The following MTF2 variants were observed in gnomAD, a reference collection of about 807,000 sequenced individuals.
MTF2 encodes metal-response element-binding transcription factor 2.
Under a neutral mutation model 79.5 loss-of-function variants are expected in MTF2, and 11 were observed. That is an observed-to-expected ratio of 0.14 (90% CI 0.09 to 0.23). The LOEUF (loss-of-function observed/expected upper bound fraction) is 0.23. Among genes scored for constraint, MTF2 ranks in the 10% least tolerant of loss-of-function variants. MTF2 has a pLI of 1.00. For missense variants in MTF2, 486 were observed against 711.2 expected (o/e 0.68, Z 3.60); for synonymous variants, 208 against 232.8 (o/e 0.89, Z 0.97).
rs71586778 is a variant in MTF2 at position 93,101,568 on chromosome 1, GTTTTTTTTTTTTTT to G, written c.6-8646_6-8633del. Among the ~76,000 whole-genome samples the G allele has an allele frequency of 9.4e-4, 24 of 25,400 alleles. 2 individuals are homozygous for G. In the South Asian group the frequency reaches 0.022, roughly 23 times the overall value. 16.7% of individuals were successfully genotyped at this position (25,400 alleles called of 152,430 possible). On this transcript the variant is annotated intron_variant, in intron 1 of 14. Transcript: ENST00000370298. ...TGGTCTTGCCATGTTGCTCAGGCTG[GTTTTTTTTTTTTTT>G]TTTTTTTTTTTTTTTGAGACAGGGT...
At chr1:93,105,466 A>T (rs573016978) in intron 1 of MTF2, among the ~76,000 whole-genome samples, 65 of 152,196 alleles carry the variant, frequency 4.3e-4, no homozygotes, top group Non-Finnish European at 9.0e-4. Flanking sequence ...GTATCCTATA[A>T]TAAACTTCAT....
chr1:93,128,443 G>A (rs1656786495), intron 10 of MTF2, among the ~76,000 whole-genome samples: 1 of 151,516 alleles, frequency 6.6e-6, no homozygotes, highest in Non-Finnish European at 1.5e-5. Context: ...TGTATTCCCA[G>A]CTACTTAGGA....
chr1:93,129,584 A>G, intron 11 of MTF2, 136 bp downstream of exon 11: 2 of 603,776 alleles, frequency 3.3e-6, no homozygotes, highest in Admixed American at 4.3e-5. Flanking sequence ...TTTTTGGTCT[A>G]TCATATCTTG....
At chr1:93,134,791 T>C (rs1467515049) in intron 14 of MTF2, among the ~76,000 whole-genome samples, 1 of 149,986 alleles carries the variant, frequency 6.7e-6, no homozygotes, top group Non-Finnish European at 1.5e-5. Context: ...TCTCAAGTGC[T>C]GGGATTACAC....
intron 1 of MTF2, among the ~76,000 whole-genome samples, chr1:93,100,464 C>T (rs184196644): frequency 7.4e-4 from 113 of 152,240 alleles, no homozygotes; most frequent in Non-Finnish European, 1.5e-4. Context: ...GCCACCATGC[C>T]TGGCTAATTT....
At chr1:93,131,595 G>T (rs1656918776) in intron 11 of MTF2, among the ~76,000 whole-genome samples, 1 of 152,128 alleles carries the variant, frequency 6.6e-6, no homozygotes, top group South Asian at 2.1e-4. Flanking sequence ...AATGGAAAGG[G>T]TATATGTCAT....
At chr1:93,111,490 T>C (rs546115288) in intron 3 of MTF2, among the ~76,000 whole-genome samples, 74 of 152,310 alleles carry the variant, frequency 4.9e-4, no homozygotes, top group African/African-American at 1.7e-3. Context: ...GGTAGGTTTC[T>C]GCCATGTTTT....
At chr1:93,083,516 C>T (rs1654703012) in intron 1 of MTF2, among the ~76,000 whole-genome samples, 2 of 152,202 alleles carry the variant, frequency 1.3e-5, no homozygotes, top group South Asian at 2.1e-4. Context: ...GTAAGTAATG[C>T]TGCAGTGATC....
intron 9 of MTF2, among the ~76,000 whole-genome samples, chr1:93,124,245 T>G (rs548878568): frequency 9.5e-4 from 145 of 152,206 alleles, no homozygotes; most frequent in African/African-American, 3.2e-3. Flanking sequence ...CTACTATGTT[T>G]TGGATTATTT....
intron 1 of MTF2, among the ~76,000 whole-genome samples, chr1:93,101,976 G>A (rs1489551652): frequency 4.6e-5 from 7 of 152,050 alleles, no homozygotes; most frequent in Non-Finnish European, 7.4e-5. Context: ...CTATATGCCC[G>A]TTGTATAACA....
chr1:93,128,217 C>T (rs11805267), intron 10 of MTF2, among the ~76,000 whole-genome samples: 13,653 of 152,004 alleles, frequency 0.09, 2,006 homozygotes, highest in African/African-American at 0.31. Flanking sequence ...ATATCTGTTC[C>T]TGTTATGGTA....
At chr1:93,126,113 G>C (rs1192159998) in intron 9 of MTF2, among the ~76,000 whole-genome samples, 1 of 151,454 alleles carries the variant, frequency 6.6e-6, no homozygotes, top group East Asian at 1.9e-4. Flanking sequence ...AGTAGGAGTT[G>C]GTGGTTTGAT....
intron 1 of MTF2, among the ~76,000 whole-genome samples, chr1:93,100,331 G>T (rs974820390): frequency 3.3e-5 from 5 of 152,088 alleles, no homozygotes; most frequent in African/African-American, 1.2e-4. Context: ...TTGAGACAGA[G>T]TCTCACTCTG....
rs1655984326 is a variant in MTF2, at chr1:93,110,492, C to T, written c.205-53C>T. On this transcript the variant is annotated intron_variant, in intron 2 of 14. Coordinates refer to ENST00000370298, the MANE Select transcript of MTF2 (RefSeq NM_007358.4). ...AAGCATTTAATAATCTTAAATTTAA[C>T]TTCATGTTTTTAATTTTAAGAGATC... 3.1e-6 allele frequency: 5 copies of T among 1,601,586 alleles called. No homozygotes were observed. The South Asian group carries it at 5.5e-5, about 18-fold the overall frequency.
At chr1:93,085,425 T>C (rs1472380258) in intron 1 of MTF2, among the ~76,000 whole-genome samples, 2 of 151,562 alleles carry the variant, frequency 1.3e-5, no homozygotes, top group Non-Finnish European at 2.9e-5. Flanking sequence ...GATGCGCCCT[T>C]CGTGGCTTCC....
intron 1 of MTF2, among the ~76,000 whole-genome samples, chr1:93,088,477 A>G (rs187848344): frequency 6.4e-4 from 97 of 152,366 alleles, no homozygotes; most frequent in African/African-American, 2.1e-3. Context: ...TTTTAAAAAA[A>G]TCAGATATAT....
At chr1:93,131,638 C>T (rs555728840) in intron 11 of MTF2, among the ~76,000 whole-genome samples, 7 of 152,020 alleles carry the variant, frequency 4.6e-5, no homozygotes, top group Middle Eastern at 3.4e-3. Flanking sequence ...GTAGGGAGGC[C>T]GACAAATGGA....
intron 1 of MTF2, among the ~76,000 whole-genome samples, chr1:93,083,917 G>A (rs1449085127): frequency 2.0e-5 from 3 of 151,956 alleles, no homozygotes; most frequent in African/African-American, 7.3e-5. Flanking sequence ...TTAAAAAATG[G>A]GACTGTCTTT....
intron 1 of MTF2, among the ~76,000 whole-genome samples, chr1:93,098,456 C>T (rs1394735045): frequency 6.6e-6 from 1 of 152,144 alleles, no homozygotes; most frequent in Admixed American, 6.5e-5. Flanking sequence ...CTCTTAACAC[C>T]TGGCATGGTA....
Sources: allele counts gnomAD v4.1 joint callset (sites outside exome capture counted in the v4.1 genomes callset), GRCh38; gene constraint gnomAD v4.1.1; transcripts MANE v1.5; gene names NCBI Gene and HGNC (gene_info 2026-07-23, HGNC 2026-07-21).